HS6ST2: variants seen among roughly 807,000 people sequenced by gnomAD.
HS6ST2 encodes heparan sulfate 6-O-sulfotransferase 2, also known as heparan-sulfate 6-O-sulfotransferase 2.
A neutral mutation model predicts 33.0 loss-of-function variants in HS6ST2; 17 were observed. That is an observed-to-expected ratio of 0.52 (90% CI 0.35 to 0.77). HS6ST2 has a LOEUF of 0.77. Among genes scored for constraint, HS6ST2 ranks in the 30% least tolerant of loss-of-function variants. The pLI, the probability that HS6ST2 is intolerant of heterozygous loss-of-function variation, is 0.01. For synonymous variants in HS6ST2, 248 were observed against 237.1 expected, an observed-to-expected ratio of 1.05 and a Z score of -0.42; for missense variants, 519 against 551.7, an observed-to-expected ratio of 0.94 and a Z score of 0.59.
At chrX:132,753,160 A>T (rs1020726926) in intron 2 of HS6ST2, among the ~76,000 whole-genome samples, 2 of 111,847 alleles carry the variant, frequency 1.8e-5, no homozygotes, top group Non-Finnish European at 3.8e-5. Flanking sequence ...GCTTCCAACC[A>T]CTGCCTCTTC....
intron 3 of HS6ST2, among the ~76,000 whole-genome samples, chrX:132,696,278 C>T (rs1303394834): frequency 9.0e-6 from 1 of 111,594 alleles, no homozygotes; most frequent in African/African-American, 3.3e-5. Context: ...CATGCCTGCC[C>T]GTGTATATCT....
intron 2 of HS6ST2, among the ~76,000 whole-genome samples, chrX:132,847,015 C>T (rs2065756339): frequency 9.0e-6 from 1 of 111,273 alleles, no homozygotes; most frequent in African/African-American, 3.3e-5. Context: ...CCATCAGAAG[C>T]AAGAGGGGTT....
At chrX:132,750,564 C>A (rs2064696330) in intron 2 of HS6ST2, among the ~76,000 whole-genome samples, 1 of 111,495 alleles carries the variant, frequency 9.0e-6, no homozygotes, top group African/African-American at 3.3e-5. Context: ...TTGGCTCCAG[C>A]ACTTTATTTT....
intron 2 of HS6ST2, among the ~76,000 whole-genome samples, chrX:132,746,887 A>G (rs1178895466): frequency 9.0e-6 from 1 of 111,709 alleles, no homozygotes; most frequent in East Asian, 2.8e-4. Context: ...AGTGAATAAC[A>G]AACAACTCGT....
chrX:132,815,667 G>A (rs893771582), intron 2 of HS6ST2, among the ~76,000 whole-genome samples: 1 of 111,907 alleles, frequency 8.9e-6, no homozygotes, highest in African/African-American at 3.2e-5. Context: ...GAAATGAGAA[G>A]ATTATATCTG....
intron 2 of HS6ST2, among the ~76,000 whole-genome samples, chrX:132,743,429 G>C (rs2064601922): frequency 8.9e-6 from 1 of 112,419 alleles, no homozygotes; most frequent in African/African-American, 3.2e-5. Flanking sequence ...ACCAAAAAAA[G>C]GGGACTGCAA....
rs1285746033 is a variant in HS6ST2 at position 132,637,918 on chromosome X, TTATA to T, written c.1068-8829_1068-8826del. Among the ~76,000 whole-genome samples the T allele has an allele frequency of 7.8e-5, 4 of 51,110 alleles. No homozygotes were observed. In the African/African-American group the frequency reaches 8.9e-4, roughly 11 times the overall value. The allele number at this position is 51,110 out of a possible 115,157, so 44.4% of individuals were successfully genotyped here. A position where few individuals can be genotyped will look rare whatever the true frequency, so the allele number is the denominator to read the frequency against. On this transcript the variant is annotated intron_variant, in intron 4 of 4. Coordinates refer to ENST00000370833, the MANE Select transcript of HS6ST2 (RefSeq NM_001394073.1). The stretch of plus-strand genomic sequence containing the variant: ...TATATATAATATTATATATAATATT[TTATA>T]TATATATTATATATAATATTTTATA...
intron 2 of HS6ST2, among the ~76,000 whole-genome samples, chrX:132,912,798 T>C (rs940225707): frequency 1.9e-4 from 21 of 111,776 alleles, no homozygotes; most frequent in African/African-American, 5.5e-4. Flanking sequence ...CTTCAAACCA[T>C]AGACAGTTTA....
intron 2 of HS6ST2, among the ~76,000 whole-genome samples, chrX:132,815,813 C>T (rs1019122054): frequency 9.0e-6 from 1 of 111,116 alleles, no homozygotes; most frequent in Non-Finnish European, 1.9e-5. Context: ...TTTGTATCCC[C>T]ACAGTGGTTG....
chrX:132,917,306 G>C (rs2066603845), intron 2 of HS6ST2, among the ~76,000 whole-genome samples: 1 of 111,889 alleles, frequency 8.9e-6, no homozygotes, highest in South Asian at 3.8e-4. Context: ...TTCAAAACAT[G>C]ACCATGTTGA....
At chrX:132,684,519 G>T (rs937595202) in intron 3 of HS6ST2, among the ~76,000 whole-genome samples, 3 of 110,089 alleles carry the variant, frequency 2.7e-5, no homozygotes, top group Non-Finnish European at 5.7e-5. Context: ...ATCCTGGAAA[G>T]ATGGTGAAAA....
intron 2 of HS6ST2, among the ~76,000 whole-genome samples, chrX:132,849,237 TC>T (rs1380466300): frequency 2.7e-5 from 3 of 110,361 alleles, no homozygotes; most frequent in South Asian, 3.9e-4. Context: ...AACTCTCCAG[TC>T]CCCCCAATGG....
intron 2 of HS6ST2, among the ~76,000 whole-genome samples, chrX:132,754,106 T>G (rs1049283974): frequency 8.9e-6 from 1 of 111,807 alleles, no homozygotes; most frequent in Non-Finnish European, 1.9e-5. Flanking sequence ...GAGCTCCTCT[T>G]GGCTGTGACA....
intron 2 of HS6ST2, among the ~76,000 whole-genome samples, chrX:132,891,228 G>A (rs2066307199): frequency 9.2e-6 from 1 of 108,452 alleles, no homozygotes; most frequent in Non-Finnish European, 1.9e-5. Context: ...TGCTTAGAGT[G>A]TCAGCAATGT....
upstream of HS6ST2, among the ~76,000 whole-genome samples, chrX:132,959,622 A>G (rs760030065): frequency 2.7e-5 from 3 of 111,919 alleles, no homozygotes; most frequent in Non-Finnish European, 5.6e-5. Flanking sequence ...TTCCTGTTCT[A>G]TCTATGCCAT....
intron 2 of HS6ST2, among the ~76,000 whole-genome samples, chrX:132,906,967 G>T (rs764757812): frequency 2.7e-5 from 3 of 111,463 alleles, no homozygotes; most frequent in Non-Finnish European, 5.7e-5. Context: ...GCCCAGCCAA[G>T]AAGTGATTCA....
In HS6ST2 at chrX:132,779,499, T is replaced by C. The variant is rs771141308; in HGVS notation, c.948-71005A>G. 4.4e-4 allele frequency among the ~76,000 whole-genome samples: 49 copies of C among 111,399 alleles called. No individual in the cohort carries two copies. The East Asian group carries it at 6.8e-3, about 15-fold the overall frequency. On this transcript the variant is annotated intron_variant, in intron 2 of 4. Transcript: ENST00000370833. Reference sequence around the variant, plus strand: ...GTCTGAAATTGGATCAAAACCTCTATAGTTTTTTTTTTAGCTCATTAAGAC... The same window carrying C: ...GTCTGAAATTGGATCAAAACCTCTACAGTTTTTTTTTTAGCTCATTAAGAC...
rs200782800 is a variant in HS6ST2, at chrX:132,628,988, G to A, written c.1173C>T (p.Cys391=). 2.7e-5 allele frequency: 33 copies of A among 1,206,041 alleles called. No individual in the cohort carries two copies. The Admixed American group carries it at 2.9e-4, about 10-fold the overall frequency. The change falls in exon 5 of 5, where the codon TGC becomes TGT. Residue 391 remains cysteine (C), a synonymous_variant. Coordinates refer to ENST00000370833, the MANE Select transcript of HS6ST2 (RefSeq NM_001394073.1). ...CTTCGGAGGTTGGAGGCCTTCCATC[G>A]CAGACATGCAGGGATGCTTTCCATG... The part of the protein sequence containing the change: ...GATWKASLHV[C]DGRPPTSEEL...
chrX:132,658,887 C>T (rs73558193), intron 4 of HS6ST2, among the ~76,000 whole-genome samples: 330 of 111,538 alleles, frequency 3.0e-3, no homozygotes, highest in African/African-American at 0.01. Context: ...CATATTATTA[C>T]GCCTGCCATA....
Sources: allele counts gnomAD v4.1 joint callset (sites outside exome capture counted in the v4.1 genomes callset), GRCh38; gene constraint gnomAD v4.1.1; transcripts MANE v1.5; gene names NCBI Gene and HGNC (gene_info 2026-07-23, HGNC 2026-07-21).